Variants in RYR3 observed in about 807,000 individuals in gnomAD.
RYR3 encodes the protein ryanodine receptor 3.
RYR3 carries 207 observed loss-of-function variants against 584.3 expected under a neutral mutation model. The ratio of observed to expected loss-of-function variants is 0.35; its 90% CI spans 0.32 to 0.40. RYR3 has a LOEUF of 0.40. Among genes scored for constraint, RYR3 ranks in the 10% least tolerant of loss-of-function variants. The pLI is 1.00. For missense variants in RYR3, 5,616 were observed against 6,089.2 expected, an observed-to-expected ratio of 0.92 and a Z score of 2.59; for synonymous variants, 2,416 against 2,248.5, an observed-to-expected ratio of 1.07 and a Z score of -2.11.
At chr15:33,582,019 G>A (rs2058619053) in intron 14 of RYR3, among the ~76,000 whole-genome samples, 1 of 152,170 alleles carries the variant, frequency 6.6e-6, no homozygotes, top group South Asian at 2.1e-4. Flanking sequence ...TTAAATCTGT[G>A]CCCTCTCACT....
intron 94 of RYR3, chr15:33,852,248 C>G (rs566752606): frequency 1.3e-5 from 2 of 152,102 alleles, no homozygotes; most frequent in East Asian, 3.8e-4. Context: ...TACAAGGAAC[C>G]CCCCCACAGG....
chr15:33,751,967 C>G (rs2071358706), intron 57 of RYR3, among the ~76,000 whole-genome samples: 1 of 152,194 alleles, frequency 6.6e-6, no homozygotes. Flanking sequence ...GTTTTCCCAG[C>G]ACCATTTATT....
chr15:33,850,839 A>T (rs942813095), intron 94 of RYR3: 2 of 152,124 alleles, frequency 1.3e-5, no homozygotes, highest in African/African-American at 4.8e-5. Context: ...TACATTTTTG[A>T]TGTTCATTAG....
intron 38 of RYR3, among the ~76,000 whole-genome samples, chr15:33,692,880 A>G (rs1478747487): frequency 1.3e-5 from 2 of 152,148 alleles, no homozygotes; most frequent in Non-Finnish European, 2.9e-5. Flanking sequence ...CAAATCCTGA[A>G]TTAATCTGAA....
intron 1 of RYR3, among the ~76,000 whole-genome samples, chr15:33,427,511 T>C (rs1596085946): frequency 6.6e-6 from 1 of 152,242 alleles, no homozygotes; most frequent in South Asian, 2.1e-4. Flanking sequence ...TGTGTATATG[T>C]TATGGGTATT....
intron 3 of RYR3, among the ~76,000 whole-genome samples, chr15:33,523,024 T>C (rs1046712820): frequency 1.4e-4 from 21 of 152,162 alleles, no homozygotes; most frequent in African/African-American, 3.9e-4. Context: ...TCTAGCCCTA[T>C]TGAGAGGTGA....
intron 3 of RYR3, among the ~76,000 whole-genome samples, chr15:33,504,922 T>A (rs538128404): frequency 3.9e-5 from 6 of 152,362 alleles, no homozygotes; most frequent in South Asian, 2.1e-4. Context: ...AGTTATTAGA[T>A]GAGTTGAGAA....
At chr15:33,685,582 C>G (rs976912884) in intron 38 of RYR3, among the ~76,000 whole-genome samples, 3 of 152,166 alleles carry the variant, frequency 2.0e-5, no homozygotes, top group African/African-American at 7.2e-5. Flanking sequence ...CAGCTCTGCA[C>G]CAAGCGTACA....
chr15:33,356,477 G>A (rs1469230570), intron 1 of RYR3, among the ~76,000 whole-genome samples: 1 of 152,156 alleles, frequency 6.6e-6, no homozygotes, highest in Non-Finnish European at 1.5e-5. Context: ...TTAGAAGTCT[G>A]AATTTGAATT....
At chr15:33,498,306 A>T (rs2051625185) in intron 2 of RYR3, among the ~76,000 whole-genome samples, 1 of 152,236 alleles carries the variant, frequency 6.6e-6, no homozygotes, top group Non-Finnish European at 1.5e-5. Context: ...TCCCACCAAC[A>T]GTGTATAAGA....
chr15:33,606,228 A>G (rs1437388976), intron 18 of RYR3, among the ~76,000 whole-genome samples: 1 of 152,200 alleles, frequency 6.6e-6, no homozygotes, highest in African/African-American at 2.4e-5. Flanking sequence ...TGAGGATACT[A>G]TAAGATTCTT....
intron 2 of RYR3, among the ~76,000 whole-genome samples, chr15:33,488,241 A>G (rs1270175909): frequency 2.6e-5 from 4 of 152,220 alleles, no homozygotes; most frequent in Admixed American, 1.3e-4. Context: ...AAGTAGCACC[A>G]TAAGTCTGCT....
intron 1 of RYR3, among the ~76,000 whole-genome samples, chr15:33,400,163 G>A (rs2042556493): frequency 6.6e-6 from 1 of 152,018 alleles, no homozygotes; most frequent in Non-Finnish European, 1.5e-5. Flanking sequence ...CTTTCACTCA[G>A]CCTTATATTT....
chr15:33,800,102 A>C (rs2075843065), intron 67 of RYR3, among the ~76,000 whole-genome samples: 1 of 152,164 alleles, frequency 6.6e-6, no homozygotes. Flanking sequence ...GCTACTGCAA[A>C]ATTTCTTAAC....
chr15:33,439,888 T>C (rs2046071144), intron 1 of RYR3, among the ~76,000 whole-genome samples: 1 of 152,108 alleles, frequency 6.6e-6, no homozygotes, highest in Non-Finnish European at 1.5e-5. Context: ...CTTGTTCTTA[T>C]GGAAAAAAGT....
At chr15:33,832,073 T>G (rs188452414) in intron 86 of RYR3, among the ~76,000 whole-genome samples, 5 of 151,962 alleles carry the variant, frequency 3.3e-5, no homozygotes, top group African/African-American at 1.2e-4. Flanking sequence ...GCGGGTGGAT[T>G]GTCTGAGCTC....
Position 33,310,995 on chromosome 15 carries a change from G to T in RYR3, c.-51G>T, listed in dbSNP as rs1166730566. Reference sequence around the variant, plus strand: ...AGTCAGCGCACGCCGAGCGGCTGCCGGGGGAAGCAGAGGCGCCGGAGGCTG... The same window carrying T: ...AGTCAGCGCACGCCGAGCGGCTGCCTGGGGAAGCAGAGGCGCCGGAGGCTG... On this transcript the variant is annotated 5_prime_UTR_variant, in exon 1 of 104. Coordinates refer to ENST00000634891, the MANE Select transcript of RYR3 (RefSeq NM_001036.6). 14 of 1,469,030 alleles carry T rather than the reference G, an allele frequency of 9.5e-6. No individual in the cohort carries two copies. Among genetic ancestry groups the T allele is most frequent in the Non-Finnish European group, 1.3e-5 (14 of 1,073,668 alleles). The allele number at this position is 1,469,030 out of a possible 1,614,324, so 91.0% of individuals were successfully genotyped here. A position where few individuals can be genotyped will look rare whatever the true frequency, so the allele number is the denominator to read the frequency against.
intron 1 of RYR3, among the ~76,000 whole-genome samples, chr15:33,464,577 TATA>T (rs1392075287): frequency 6.7e-6 from 1 of 148,546 alleles, no homozygotes; most frequent in African/African-American, 2.5e-5. Context: ...GTATTTAATA[TATA>T]ATGTATATAA....
chr15:33,594,498 A>G (rs2059280536), intron 16 of RYR3, among the ~76,000 whole-genome samples: 1 of 152,222 alleles, frequency 6.6e-6, no homozygotes, highest in Admixed American at 6.5e-5. Flanking sequence ...AGTATCAGCA[A>G]CATTTGAAGC....
Sources: gnomAD v4.1 joint callset for allele counts (sites outside exome capture counted in the v4.1 genomes callset) on GRCh38, gnomAD v4.1.1 for gene constraint, MANE v1.5 for transcripts, NCBI Gene and HGNC (gene_info 2026-07-23, HGNC 2026-07-21) for gene names.